Variants in CSGALNACT1 observed in about 807,000 individuals in gnomAD.
CSGALNACT1 encodes beta4GalNAcT-1.
CSGALNACT1 carries 52 observed loss-of-function variants against 51.0 expected under a neutral mutation model. That is an observed-to-expected ratio of 1.02 (90% CI 0.82 to 1.29). CSGALNACT1 has a LOEUF of 1.29. Ranked by LOEUF, CSGALNACT1 falls within the 50% of genes most tolerant of loss-of-function variation. CSGALNACT1 has a pLI of 0.00. For synonymous variants in CSGALNACT1, 341 were observed against 254.4 expected (o/e 1.34, Z -3.24); for missense variants, 935 against 679.2 (o/e 1.38, Z -4.19).
chr8:19,649,842 A>AAAAAAAAAAAAAAAAAAAAC, intron 1 of CSGALNACT1, among the ~76,000 whole-genome samples: 1 of 148,950 alleles, frequency 6.7e-6, no homozygotes, highest in Non-Finnish European at 1.5e-5. Flanking sequence ...AAAAAAAAAA[A>AAAAAAAAAAAAAAAAAAAAC]AAACCACGGG....
chr8:19,538,662 C>T (rs2084349903), intron 3 of CSGALNACT1, among the ~76,000 whole-genome samples: 1 of 152,128 alleles, frequency 6.6e-6, no homozygotes, highest in African/African-American at 2.4e-5. Flanking sequence ...GGGGGAGGTA[C>T]AGGCTGGGAA....
intron 1 of CSGALNACT1, among the ~76,000 whole-genome samples, chr8:19,649,694 T>A (rs2057603134): frequency 6.6e-6 from 1 of 151,752 alleles, no homozygotes; most frequent in South Asian, 2.1e-4. Flanking sequence ...CTATCAAGCC[T>A]ACTGCCATGG....
At chr8:19,616,741 T>A (rs1366607647) in intron 1 of CSGALNACT1, among the ~76,000 whole-genome samples, 3 of 152,156 alleles carry the variant, frequency 2.0e-5, no homozygotes, top group Admixed American at 2.0e-4. Flanking sequence ...CTGCCTCACC[T>A]TCCACCGTAA....
At chr8:19,512,060 C>A (rs183739490) in intron 3 of CSGALNACT1, among the ~76,000 whole-genome samples, 32 of 152,310 alleles carry the variant, frequency 2.1e-4, no homozygotes, top group African/African-American at 7.7e-4. Context: ...GGTGGGGACA[C>A]AGAACCAAAC....
At chr8:19,658,062 C>CAAAAAAA (rs397973082) in intron 1 of CSGALNACT1, among the ~76,000 whole-genome samples, 1 of 86,710 alleles carries the variant, frequency 1.2e-5, no homozygotes, top group East Asian at 3.7e-4. Context: ...ACCCTCCTTC[C>CAAAAAAA]AAAAAAAAAA....
At chr8:19,421,065 C>A (rs1407487300) in intron 6 of CSGALNACT1, among the ~76,000 whole-genome samples, 1 of 152,238 alleles carries the variant, frequency 6.6e-6, no homozygotes, top group Non-Finnish European at 1.5e-5. Flanking sequence ...GGAAAAATGA[C>A]CAACTTGCAG....
chr8:19,492,202 C>T (rs2074489740), intron 4 of CSGALNACT1, among the ~76,000 whole-genome samples: 1 of 152,176 alleles, frequency 6.6e-6, no homozygotes, highest in South Asian at 2.1e-4. Context: ...TTCAGAGAAG[C>T]ACGTATCTAA....
At chr8:19,494,415 T>A (rs1418261994) in intron 4 of CSGALNACT1, among the ~76,000 whole-genome samples, 1 of 152,184 alleles carries the variant, frequency 6.6e-6, no homozygotes, top group African/African-American at 2.4e-5. Flanking sequence ...CCATGACCAA[T>A]TCTCTCTGTT....
chr8:19,624,603 T>C (rs569286197), intron 1 of CSGALNACT1, among the ~76,000 whole-genome samples: 14 of 152,260 alleles, frequency 9.2e-5, no homozygotes, highest in African/African-American at 3.4e-4. Flanking sequence ...TTAATGGAGT[T>C]TGGAGTCTCC....
At chr8:19,423,264 C>T (rs2058233585) in intron 6 of CSGALNACT1, among the ~76,000 whole-genome samples, 1 of 152,048 alleles carries the variant, frequency 6.6e-6, no homozygotes, top group South Asian at 2.1e-4. Context: ...ATAGATAGGC[C>T]AAATATTTAC....
upstream of CSGALNACT1, among the ~76,000 whole-genome samples, chr8:19,684,847 T>A (rs565855713): frequency 1.3e-5 from 2 of 152,256 alleles, no homozygotes; most frequent in Non-Finnish European, 2.9e-5. Flanking sequence ...TCTTTTCTCA[T>A]TCTAAGTAAA....
At chr8:19,704,219 C>T (rs1677566252) in intron 1 of CSGALNACT1, among the ~76,000 whole-genome samples, 1 of 152,202 alleles carries the variant, frequency 6.6e-6, no homozygotes, top group Non-Finnish European at 1.5e-5. Flanking sequence ...AACGAATGTG[C>T]TGCCAAAGGA....
At chr8:19,641,651 G>C (rs564141495) in intron 1 of CSGALNACT1, 52 of 151,998 alleles carry the variant, frequency 3.4e-4, no homozygotes, top group African/African-American at 1.1e-3. Flanking sequence ...AACAAAGAAA[G>C]AAACAAAACC....
At chr8:19,632,657 A>C (rs1285854677) in intron 1 of CSGALNACT1, among the ~76,000 whole-genome samples, 1 of 152,196 alleles carries the variant, frequency 6.6e-6, no homozygotes, top group Non-Finnish European at 1.5e-5. Flanking sequence ...TTCAAGTAAA[A>C]CACTGAAATA....
intron 5 of CSGALNACT1, among the ~76,000 whole-genome samples, chr8:19,448,195 G>A (rs1484469852): frequency 1.3e-5 from 2 of 152,268 alleles, no homozygotes; most frequent in East Asian, 1.9e-4. Context: ...GAAAAATTGT[G>A]TTTCTTGCAG....
chr8:19,447,349 G>A (rs78868564), intron 5 of CSGALNACT1, among the ~76,000 whole-genome samples: 2,434 of 152,266 alleles, frequency 0.016, 50 homozygotes, highest in African/African-American at 0.051. Context: ...AACTCCAAAC[G>A]TAAATAGGCT....
At chr8:19,468,790 G>A (rs2067335670) in intron 4 of CSGALNACT1, among the ~76,000 whole-genome samples, 2 of 152,154 alleles carry the variant, frequency 1.3e-5, no homozygotes, top group African/African-American at 4.8e-5. Context: ...TTGGAAGCTT[G>A]GCGGGCAAGC....
At chr8:19,596,936 CA>C (rs1440294570) in intron 2 of CSGALNACT1, among the ~76,000 whole-genome samples, 1 of 152,124 alleles carries the variant, frequency 6.6e-6, no homozygotes, top group Non-Finnish European at 1.5e-5. Context: ...GTTATGCAAC[CA>C]AACTCCACAT....
chr8:19,529,620 A>G lies in CSGALNACT1; in HGVS notation c.-296-23490T>C, dbSNP rs539912555. 2.0e-5 allele frequency among the ~76,000 whole-genome samples: 3 copies of G among 152,322 alleles called. No individual in the cohort carries two copies. In the South Asian group the frequency reaches 6.2e-4, roughly 32 times the overall value. On this transcript the variant is annotated intron_variant, in intron 3 of 9. Coordinates refer to ENST00000454498, the Ensembl canonical transcript of CSGALNACT1. Reference sequence around the variant, plus strand: ...AATAGCAGTGAATGAAAAAGTGGTAAGGGAAAATGTGTCTATTCATTAAAA... The same window carrying G: ...AATAGCAGTGAATGAAAAAGTGGTAGGGGAAAATGTGTCTATTCATTAAAA...
Sources: gnomAD v4.1 joint callset for allele counts (sites outside exome capture counted in the v4.1 genomes callset) on GRCh38, gnomAD v4.1.1 for gene constraint, MANE v1.5 for transcripts, NCBI Gene and HGNC (gene_info 2026-07-23, HGNC 2026-07-21) for gene names.